The following ITK variants were observed in gnomAD, a reference collection of about 807,000 sequenced individuals.
The protein encoded by ITK is IL2 inducible T cell kinase.
Under a neutral mutation model 87.6 loss-of-function variants are expected in ITK, and 45 were observed. The observed-to-expected ratio is 0.51, with a 90% confidence interval of 0.40 to 0.66. The LOEUF is 0.66. Among genes scored for constraint, ITK ranks in the 30% least tolerant of loss-of-function variants. The probability of loss-of-function intolerance (pLI) is 0.00; values close to 1 mark genes in which losing one functional copy is unlikely to be tolerated. For synonymous variants in ITK, 303 were observed against 273.6 expected, an observed-to-expected ratio of 1.11 and a Z score of -1.06; for missense variants, 605 against 766.3, an observed-to-expected ratio of 0.79 and a Z score of 2.48.
chr5:157,184,562 A>T (rs1239444309), intron 1 of ITK, among the ~76,000 whole-genome samples: 1 of 152,194 alleles, frequency 6.6e-6, no homozygotes, highest in African/African-American at 2.4e-5. Context: ...AGGATGGAAG[A>T]GGCAGCCTAA....
At chr5:157,239,687 A>C (rs973287027) in intron 9 of ITK, among the ~76,000 whole-genome samples, 1 of 152,198 alleles carries the variant, frequency 6.6e-6, no homozygotes, top group African/African-American at 2.4e-5. Flanking sequence ...TATTTGACTT[A>C]TGAAGTCAAA....
intron 10 of ITK, 95 bp downstream of exon 10, chr5:157,240,290 T>A: frequency 8.5e-7 from 1 of 1,175,306 alleles, no homozygotes. Flanking sequence ...TTCTGTCAGA[T>A]CAGCGTCATT....
intron 16 of ITK, among the ~76,000 whole-genome samples, chr5:157,251,101 C>T (rs898402659): frequency 2.0e-5 from 3 of 152,174 alleles, no homozygotes; most frequent in Non-Finnish European, 4.4e-5. Flanking sequence ...TAAGAAACTG[C>T]CAGAATGTCT....
intron 1 of ITK, among the ~76,000 whole-genome samples, chr5:157,201,638 T>G (rs1329880033): frequency 6.7e-6 from 1 of 150,246 alleles, no homozygotes; most frequent in African/African-American, 2.5e-5. Flanking sequence ...GTTCTGCAAG[T>G]ACTAGCCAGA....
At chr5:157,239,690 A>G (rs1754849527) in intron 9 of ITK, among the ~76,000 whole-genome samples, 1 of 152,164 alleles carries the variant, frequency 6.6e-6, no homozygotes, top group Non-Finnish European at 1.5e-5. Flanking sequence ...TTGACTTATG[A>G]AGTCAAATAA....
At chr5:157,190,151 A>G (rs747346525) in intron 1 of ITK, among the ~76,000 whole-genome samples, 6 of 152,212 alleles carry the variant, frequency 3.9e-5, no homozygotes, top group African/African-American at 1.4e-4. Context: ...ATGTTGCCAT[A>G]TAATTCCTAT....
At chr5:157,247,109 C>A (rs532526210) in intron 15 of ITK, among the ~76,000 whole-genome samples, 3 of 152,298 alleles carry the variant, frequency 2.0e-5, no homozygotes, top group Admixed American at 2.0e-4. Context: ...AAGGGTTTGA[C>A]AAGGGCTTAC....
At chr5:157,186,648 C>G (rs935040134) in intron 1 of ITK, among the ~76,000 whole-genome samples, 2 of 150,752 alleles carry the variant, frequency 1.3e-5, no homozygotes, top group Non-Finnish European at 2.9e-5. Context: ...TGCACTCCAG[C>G]CTGGGCAACA....
At chr5:157,220,213 T>C (rs1169667336) in intron 5 of ITK, among the ~76,000 whole-genome samples, 3 of 151,842 alleles carry the variant, frequency 2.0e-5, no homozygotes, top group African/African-American at 7.3e-5. Context: ...CCTCTGGGGG[T>C]TGGGGGATGG....
intron 4 of ITK, 63 bp from the exon 5 acceptor site, chr5:157,217,804 A>G: frequency 6.8e-7 from 1 of 1,466,074 alleles, no homozygotes; most frequent in South Asian, 1.1e-5. Context: ...CTGGCTGCTC[A>G]CTTCCGGTTG....
chr5:157,226,502 G>A (rs71591322), intron 6 of ITK, among the ~76,000 whole-genome samples: 2,507 of 152,302 alleles, frequency 0.016, 29 homozygotes, highest in Non-Finnish European at 0.027. Context: ...ACTTTCTTCC[G>A]TTGGAATGGC....
intron 8 of ITK, among the ~76,000 whole-genome samples, chr5:157,233,735 AATT>A (rs1754704841): frequency 1.3e-5 from 2 of 151,860 alleles, no homozygotes; most frequent in Non-Finnish European, 2.9e-5. Context: ...TAAAACTCTG[AATT>A]ACACTGTGTT....
In ITK at chr5:157,243,837, C is replaced by A. The variant is rs1161366937; in HGVS notation, c.1232+43C>A. 1.3e-6 allele frequency: 2 copies of A among 1,581,882 alleles called. 1 individual carries two copies. The highest frequency in any genetic ancestry group is 2.2e-5 in the South Asian group (2 of 90,456). On this transcript the variant is annotated intron_variant, in intron 12 of 16. Coordinates refer to ENST00000422843, the MANE Select transcript of ITK (RefSeq NM_005546.4). ...GGATATGCAGAAACTCTGGGGGGAACATCGGTTCAGTGTTCTTGAAATGCC... is the reference window on the plus strand; with the variant it reads ...GGATATGCAGAAACTCTGGGGGGAAAATCGGTTCAGTGTTCTTGAAATGCC...
chr5:157,249,642 G>C (rs896910170), intron 16 of ITK, among the ~76,000 whole-genome samples: 5 of 152,186 alleles, frequency 3.3e-5, no homozygotes, highest in African/African-American at 1.2e-4. Context: ...CGACAACAAG[G>C]TGGAATACAA....
chr5:157,245,904 C>G lies in ITK; in HGVS notation c.1538C>G (p.Thr513Ser). The change falls in exon 15 of 17, where the codon ACC (threonine) becomes AGC (serine). Residue 513 changes from threonine to serine, a missense_variant. Physicochemically the swap from Thr to Ser is moderately conservative, Grantham distance 58 (BLOSUM62 1). Around this residue, in one of 3 missense-constraint regions of ITK, gnomAD observed 70 missense variants for 122.5 expected, o/e 0.57. Transcript: ENST00000422843. ...MTRFVLDDQY[T>S]SSTGTKFPVK... Reference sequence around the variant, plus strand: ...AGGTTCGTTCTGGATGATCAGTACACCAGTTCCACAGGCACCAAATTCCCG... The same window carrying G: ...AGGTTCGTTCTGGATGATCAGTACAGCAGTTCCACAGGCACCAAATTCCCG... 1.2e-6 allele frequency: 2 copies of G among 1,614,138 alleles called. No homozygotes were observed. Among genetic ancestry groups the G allele is most frequent in the South Asian group, 1.1e-5 (1 of 91,090 alleles).
chr5:157,216,258 C>T (rs573067470), intron 4 of ITK, among the ~76,000 whole-genome samples: 2 of 152,078 alleles, frequency 1.3e-5, no homozygotes, highest in African/African-American at 2.4e-5. Context: ...TTCCTGGTAC[C>T]GAGCACATTG....
chr5:157,248,722 C>T lies in ITK; in HGVS notation c.1634-128C>T. 3.8e-6 allele frequency: 4 copies of T among 1,055,230 alleles called. No homozygotes were observed. The South Asian group carries it at 3.9e-5, about 10-fold the overall frequency. 65.4% of individuals were successfully genotyped at this position (1,055,230 alleles called of 1,614,324 possible). A position where few individuals can be genotyped will look rare whatever the true frequency, so the allele number is the denominator to read the frequency against. Reference sequence around the variant, plus strand: ...ACAGGCCTAATAAGCCTCAGGTAGACTTGATGCACTTCTGGAGGTAGCACA... The same window carrying T: ...ACAGGCCTAATAAGCCTCAGGTAGATTTGATGCACTTCTGGAGGTAGCACA... On this transcript the variant is annotated intron_variant, in intron 15 of 16. Transcript: ENST00000422843.
In ITK at chr5:157,253,015, G is replaced by A. The variant is rs1251977536; in HGVS notation, c.*337G>A. ...TTCTTAGCAACAGAGAGAGACATGA[G>A]TAAGACCCAGATTGCTATTTTTATT... On this transcript the variant is annotated 3_prime_UTR_variant, in exon 17 of 17. Coordinates refer to ENST00000422843, the MANE Select transcript of ITK (RefSeq NM_005546.4). 7.3e-6 allele frequency: 3 copies of A among 409,622 alleles called. No individual in the cohort carries two copies. The highest frequency in any genetic ancestry group is 7.3e-5 in the Admixed American group (2 of 27,552). The allele number at this position is 409,622 out of a possible 1,614,324, so 25.4% of individuals were successfully genotyped here.
chr5:157,188,115 C>G (rs2113737314), intron 1 of ITK, among the ~76,000 whole-genome samples: 1 of 152,240 alleles, frequency 6.6e-6, no homozygotes, highest in South Asian at 2.1e-4. Flanking sequence ...AGATAATATT[C>G]TTAAAACTAC....
Sources: gnomAD v4.1 joint callset for allele counts (sites outside exome capture counted in the v4.1 genomes callset) on GRCh38, gnomAD v4.1.1 for gene constraint, gnomAD v4.1.1 regional missense constraint, MANE v1.5 for transcripts, NCBI Gene and HGNC (gene_info 2026-07-23, HGNC 2026-07-21) for gene names.